The following MTF2 variants were observed in gnomAD, a reference collection of about 807,000 sequenced individuals.
MTF2 encodes the protein metal response element binding transcription factor 2, also known as metal-response element-binding transcription factor 2.
A neutral mutation model predicts 79.5 loss-of-function variants in MTF2; 11 were observed. The ratio of observed to expected loss-of-function variants is 0.14; its 90% CI spans 0.09 to 0.23. The LOEUF is 0.23. Ranked by LOEUF, MTF2 falls within the 10% of genes least tolerant of loss-of-function variation. MTF2 has a pLI of 1.00. For missense variants in MTF2, 486 were observed against 711.2 expected (o/e 0.68, Z 3.60); for synonymous variants, 208 against 232.8 (o/e 0.89, Z 0.97).
intron 1 of MTF2, among the ~76,000 whole-genome samples, chr1:93,094,333 A>T (rs1227189335): frequency 6.6e-6 from 1 of 152,154 alleles, no homozygotes; most frequent in Non-Finnish European, 1.5e-5. Flanking sequence ...TTGCCAGCTA[A>T]CCCAGAAACC....
intron 1 of MTF2, among the ~76,000 whole-genome samples, chr1:93,105,904 G>A (rs1023395876): frequency 6.6e-6 from 1 of 152,130 alleles, no homozygotes; most frequent in Non-Finnish European, 1.5e-5. Flanking sequence ...TCAAACTCCT[G>A]ACCTCGTGAT....
intron 1 of MTF2, among the ~76,000 whole-genome samples, chr1:93,106,507 C>T (rs578244676): frequency 7.0e-6 from 1 of 142,404 alleles, no homozygotes; most frequent in East Asian, 2.1e-4. Flanking sequence ...CAAGTGAACA[C>T]TGAACTTAAA....
At chr1:93,094,484 A>AT (rs1220883661) in intron 1 of MTF2, among the ~76,000 whole-genome samples, 10 of 151,666 alleles carry the variant, frequency 6.6e-5, no homozygotes, top group African/African-American at 1.7e-4. Flanking sequence ...ATGTTTTAAG[A>AT]TTTTTTTTCA....
At chr1:93,095,227 G>A (rs1655239497) in intron 1 of MTF2, among the ~76,000 whole-genome samples, 2 of 152,048 alleles carry the variant, frequency 1.3e-5, no homozygotes. Flanking sequence ...TTTTTGTAGT[G>A]GTGGGGTCTC....
intron 1 of MTF2, among the ~76,000 whole-genome samples, chr1:93,086,179 A>G (rs558847013): frequency 3.3e-5 from 5 of 152,254 alleles, no homozygotes; most frequent in East Asian, 3.9e-4. Flanking sequence ...GCACATGACT[A>G]TGCTTAGAAG....
At chr1:93,082,672 G>C (rs373444317) in intron 1 of MTF2, among the ~76,000 whole-genome samples, 1 of 151,974 alleles carries the variant, frequency 6.6e-6, no homozygotes, top group Non-Finnish European at 1.5e-5. Flanking sequence ...TTGTTAATAA[G>C]TTTTATTGAG....
At chr1:93,089,442 TTC>T (rs980753436) in intron 1 of MTF2, among the ~76,000 whole-genome samples, 7 of 152,270 alleles carry the variant, frequency 4.6e-5, no homozygotes, top group Admixed American at 2.0e-4. Context: ...AGTTTTAGAG[TTC>T]CAGTGATGAG....
chr1:93,126,957 G>A (rs1656722385), intron 9 of MTF2, among the ~76,000 whole-genome samples: 2 of 152,094 alleles, frequency 1.3e-5, no homozygotes, highest in Admixed American at 6.6e-5. Context: ...TTTACAGTTT[G>A]TAGTTCCTTC....
chr1:93,122,539 A>G (rs979182439), intron 9 of MTF2, among the ~76,000 whole-genome samples: 1 of 152,182 alleles, frequency 6.6e-6, no homozygotes, highest in African/African-American at 2.4e-5. Context: ...CTTCTGAAAC[A>G]TACTAGAAAA....
intron 11 of MTF2, among the ~76,000 whole-genome samples, chr1:93,131,197 A>T (rs1656905379): frequency 1.3e-5 from 2 of 152,196 alleles, no homozygotes; most frequent in Non-Finnish European, 2.9e-5. Context: ...AAGGAGACTA[A>T]AAAAGAATGA....
chr1:93,087,092 T>C (rs1654875902), intron 1 of MTF2, among the ~76,000 whole-genome samples: 1 of 152,202 alleles, frequency 6.6e-6, no homozygotes, highest in African/African-American at 2.4e-5. Context: ...CGAGGTCAGA[T>C]GTGGAATTTT....
rs111329307 is a variant in MTF2 at position 93,100,291 on chromosome 1, ATGTT to A, written c.6-9913_6-9910del. 5.3e-3 allele frequency among the ~76,000 whole-genome samples: 804 copies of A among 151,300 alleles called. 5 individuals carry two copies. Among genetic ancestry groups the A allele is most frequent in the African/African-American group, 0.013 (537 of 41,176 alleles). On this transcript the variant is annotated intron_variant, in intron 1 of 14. Coordinates refer to ENST00000370298, the MANE Select transcript of MTF2 (RefSeq NM_007358.4). Reference sequence around the variant, plus strand: ...TATAAAAAAGCATATATGTGGCATTATGTTTGTTTGTTTGTTTGTTTGTTTGTTT... The same window carrying A: ...TATAAAAAAGCATATATGTGGCATTATGTTTGTTTGTTTGTTTGTTTGTTT...
At chr1:93,097,962 G>A (rs1655366508) in intron 1 of MTF2, among the ~76,000 whole-genome samples, 1 of 152,074 alleles carries the variant, frequency 6.6e-6, no homozygotes, top group Admixed American at 6.5e-5. Flanking sequence ...CTTTTGCATA[G>A]TGTTTGTTTA....
intron 1 of MTF2, among the ~76,000 whole-genome samples, chr1:93,085,032 T>A (rs1264565158): frequency 6.6e-6 from 1 of 152,266 alleles, no homozygotes; most frequent in East Asian, 1.9e-4. Flanking sequence ...TTCTGAGGAT[T>A]TTTTGATAGT....
intron 1 of MTF2, among the ~76,000 whole-genome samples, chr1:93,101,559 C>T (rs1332701503): frequency 1.9e-5 from 1 of 51,984 alleles, no homozygotes; most frequent in East Asian, 1.0e-3. Context: ...TGCCATGTTG[C>T]TCAGGCTGGT....
chr1:93,135,490 A>C (rs549544638), intron 14 of MTF2, among the ~76,000 whole-genome samples: 77 of 152,280 alleles, frequency 5.1e-4, no homozygotes, highest in South Asian at 3.9e-3. Flanking sequence ...GGGGCCTCTT[A>C]CTAGATACTC....
intron 1 of MTF2, among the ~76,000 whole-genome samples, chr1:93,100,405 C>T (rs898146935): frequency 3.3e-5 from 5 of 152,000 alleles, no homozygotes; most frequent in African/African-American, 1.2e-4. Flanking sequence ...CCCAGGTTCA[C>T]GCCATTCTCC....
intron 11 of MTF2, 89 bp from the exon 12 acceptor site, chr1:93,133,614 A>ATATG (rs1647231289): frequency 1.7e-6 from 1 of 573,266 alleles, no homozygotes; most frequent in Non-Finnish European, 2.7e-6. Flanking sequence ...ATAATAAAAT[A>ATATG]TATGTATATG....
chr1:93,098,482 G>T (rs1348061528), intron 1 of MTF2, among the ~76,000 whole-genome samples: 3 of 152,118 alleles, frequency 2.0e-5, no homozygotes, highest in Non-Finnish European at 4.4e-5. Context: ...CATATAGCAG[G>T]CATTGTATAT....
Sources: gnomAD v4.1 joint callset for allele counts (sites outside exome capture counted in the v4.1 genomes callset) on GRCh38, gnomAD v4.1.1 for gene constraint, MANE v1.5 for transcripts, NCBI Gene and HGNC (gene_info 2026-07-23, HGNC 2026-07-21) for gene names.